The following TMEM132D variants were observed in gnomAD, a reference collection of about 807,000 sequenced individuals.
TMEM132D encodes the protein transmembrane protein 132D.
In TMEM132D, 21 loss-of-function variants were observed where a neutral mutation model predicts 62.3. The ratio of observed to expected loss-of-function variants is 0.34; its 90% CI spans 0.24 to 0.49. The LOEUF (loss-of-function observed/expected upper bound fraction) is 0.49, where lower values mean the gene tolerates loss of function less well. Among genes scored for constraint, TMEM132D ranks in the 20% least tolerant of loss-of-function variants. The pLI is 0.99. For synonymous variants in TMEM132D, 621 were observed against 575.6 expected, an observed-to-expected ratio of 1.08 and a Z score of -1.13; for missense variants, 1,346 against 1,402.8, an observed-to-expected ratio of 0.96 and a Z score of 0.65.
intron 1 of TMEM132D, among the ~76,000 whole-genome samples, chr12:129,886,099 T>C (rs2137389929): frequency 6.6e-6 from 1 of 152,376 alleles, no homozygotes; most frequent in Admixed American, 6.5e-5. Flanking sequence ...ATTACAATTA[T>C]GACTGTTACA....
chr12:129,095,921 A>G (rs1378657069), intron 5 of TMEM132D, among the ~76,000 whole-genome samples: 1 of 152,166 alleles, frequency 6.6e-6, no homozygotes, highest in Non-Finnish European at 1.5e-5. Context: ...AGATAAATAC[A>G]GTCAGCCATT....
At chr12:129,401,986 C>T (rs1871637587) in intron 3 of TMEM132D, among the ~76,000 whole-genome samples, 1 of 152,170 alleles carries the variant, frequency 6.6e-6, no homozygotes, top group African/African-American at 2.4e-5. Flanking sequence ...CAACCAGGTA[C>T]ATGAGGGAGG....
chr12:129,688,924 C>T (rs796838090), intron 2 of TMEM132D, among the ~76,000 whole-genome samples: 3 of 152,272 alleles, frequency 2.0e-5, no homozygotes, highest in African/African-American at 7.2e-5. Context: ...ATAATCTAGT[C>T]CAGGATTCTC....
chr12:129,274,152 T>C (rs1034919128), intron 4 of TMEM132D, among the ~76,000 whole-genome samples: 3 of 151,798 alleles, frequency 2.0e-5, no homozygotes, highest in African/African-American at 7.3e-5. Flanking sequence ...CTTATGCGCA[T>C]GAGAGTTAAA....
chr12:129,697,696 T>G (rs1006249623), intron 2 of TMEM132D, among the ~76,000 whole-genome samples: 1 of 152,206 alleles, frequency 6.6e-6, no homozygotes, highest in Non-Finnish European at 1.5e-5. Context: ...CCACCAAATT[T>G]AGAAGCTTCA....
chr12:129,833,616 C>A (rs1299996226), intron 1 of TMEM132D, among the ~76,000 whole-genome samples: 1 of 152,100 alleles, frequency 6.6e-6, no homozygotes, highest in Non-Finnish European at 1.5e-5. Context: ...CAGAGCAAGA[C>A]CCTATCTCAA....
At chr12:129,737,328 T>C (rs1404992203) in intron 1 of TMEM132D, among the ~76,000 whole-genome samples, 2 of 152,222 alleles carry the variant, frequency 1.3e-5, no homozygotes, top group Non-Finnish European at 2.9e-5. Flanking sequence ...ACAAGAAGTA[T>C]TGTTTGGCCC....
chr12:129,666,061 C>T (rs1255174867), intron 2 of TMEM132D, among the ~76,000 whole-genome samples: 2 of 152,176 alleles, frequency 1.3e-5, no homozygotes, highest in Non-Finnish European at 2.9e-5. Flanking sequence ...AATGCACAGT[C>T]GGTAAAAGCA....
chr12:129,269,770 G>A (rs551443104), intron 4 of TMEM132D, among the ~76,000 whole-genome samples: 2 of 152,236 alleles, frequency 1.3e-5, no homozygotes, highest in Non-Finnish European at 2.9e-5. Context: ...CTCGTGTCTC[G>A]TTATTCGGTC....
At chr12:129,337,601 C>CAGT in intron 4 of TMEM132D, 33 bp downstream of exon 4, 2 of 1,611,374 alleles carry the variant, frequency 1.2e-6, no homozygotes, top group South Asian at 2.2e-5. Context: ...CCCCCGAGTT[C>CAGT]AGTTCTAACA....
At position 129,074,901 on chromosome 12, in the gene TMEM132D, C is replaced by T. The variant is rs764134740; in HGVS notation, c.2274G>A (p.Ala758=). The T allele has an allele frequency of 3.3e-5, 53 of 1,613,814 alleles. No individual in the cohort carries two copies. The highest frequency in any genetic ancestry group is 1.7e-4 in the African/African-American group (13 of 74,922). ...CCAGGGTGCCTTGTCCTTCTGTTTC[C>T]GCAGCAATGATAGGCCACTTGAATT... ...DPKFKWPIIA[A]ETEGQGTLVK... The change falls in exon 9 of 9, where the codon GCG becomes GCA. Residue 758 remains alanine, a synonymous_variant. Coordinates refer to ENST00000422113, the MANE Select transcript of TMEM132D (RefSeq NM_133448.3).
intron 1 of TMEM132D, among the ~76,000 whole-genome samples, chr12:129,818,218 CTGTG>C (rs1427255383): frequency 6.1e-5 from 8 of 132,160 alleles, no homozygotes; most frequent in African/African-American, 1.5e-4. Context: ...GAGTGTGTAT[CTGTG>C]TGTATGTGGT....
At chr12:129,196,921 G>A (rs1485307136) in intron 5 of TMEM132D, among the ~76,000 whole-genome samples, 1 of 152,168 alleles carries the variant, frequency 6.6e-6, no homozygotes, top group Non-Finnish European at 1.5e-5. Context: ...ATGCATCTGT[G>A]GAGGAGTTAC....
intron 2 of TMEM132D, among the ~76,000 whole-genome samples, chr12:129,644,984 T>TAAAAAAAA (rs749612311): frequency 6.3e-5 from 4 of 63,416 alleles, no homozygotes; most frequent in African/African-American, 2.5e-4. Context: ...ATAGTCCATC[T>TAAAAAAAA]AAAAAAAAAA....
chr12:129,743,419 C>A (rs1869670757), intron 1 of TMEM132D, among the ~76,000 whole-genome samples: 1 of 152,114 alleles, frequency 6.6e-6, no homozygotes, highest in Non-Finnish European at 1.5e-5. Context: ...GGGCTTTTCC[C>A]CCTTTTACTC....
intron 1 of TMEM132D, among the ~76,000 whole-genome samples, chr12:129,895,020 G>A (rs76307284): frequency 0.034 from 5,180 of 152,218 alleles, 142 homozygotes; most frequent in South Asian, 0.085. Flanking sequence ...AGGTTTGCGC[G>A]AAGGAGCTCA....
At chr12:129,220,218 G>A (rs1879313582) in intron 4 of TMEM132D, among the ~76,000 whole-genome samples, 1 of 152,052 alleles carries the variant, frequency 6.6e-6, no homozygotes, top group East Asian at 1.9e-4. Flanking sequence ...ACCAGAGAGT[G>A]GGCCACCAAG....
intron 1 of TMEM132D, among the ~76,000 whole-genome samples, chr12:129,753,232 G>A (rs954799738): frequency 6.6e-6 from 1 of 152,182 alleles, no homozygotes; most frequent in Non-Finnish European, 1.5e-5. Context: ...ATTTATATCA[G>A]AACCTCCTGG....
chr12:129,603,610 C>T (rs1878538924), intron 2 of TMEM132D, among the ~76,000 whole-genome samples: 1 of 152,088 alleles, frequency 6.6e-6, no homozygotes, highest in African/African-American at 2.4e-5. Context: ...AAATCAAAAC[C>T]ACAATGAGAT....
Sources: allele counts gnomAD v4.1 joint callset (sites outside exome capture counted in the v4.1 genomes callset), GRCh38; gene constraint gnomAD v4.1.1; transcripts MANE v1.5; gene names NCBI Gene and HGNC (gene_info 2026-07-23, HGNC 2026-07-21).